The following DCUN1D4 variants were observed in gnomAD, a reference collection of about 807,000 sequenced individuals.
DCUN1D4 encodes DCN1-like protein 4.
Under a neutral mutation model 47.9 loss-of-function variants are expected in DCUN1D4, and 22 were observed. That is an observed-to-expected ratio of 0.46 (90% CI 0.33 to 0.66). DCUN1D4 has a LOEUF of 0.66. Ranked by LOEUF, DCUN1D4 falls within the 30% of genes least tolerant of loss-of-function variation. DCUN1D4 has a pLI of 0.02. For missense variants in DCUN1D4, 301 were observed against 340.8 expected, an observed-to-expected ratio of 0.88 and a Z score of 0.92; for synonymous variants, 121 against 112.2, an observed-to-expected ratio of 1.08 and a Z score of -0.50.
chr4:51,915,509 G>GT lies in DCUN1D4; in HGVS notation c.*1926dup, dbSNP rs1329013814. On this transcript the variant is annotated 3_prime_UTR_variant, in exon 11 of 11. Transcript: ENST00000334635. The stretch of plus-strand genomic sequence containing the variant: ...ATGTGATGGATGCATTTGTTTTGCA[G>GT]TGGTGACTGGCCTAGGCAGGTTTGG... 1 of 152,430 alleles carries GT rather than the reference G, an allele frequency of 6.6e-6. No individual in the cohort carries two copies. Among genetic ancestry groups the GT allele is most frequent in the African/African-American group, 2.4e-5 (1 of 41,440 alleles). 9.4% of individuals were successfully genotyped at this position (152,430 alleles called of 1,614,324 possible). A position where few individuals can be genotyped will look rare whatever the true frequency, so the allele number is the denominator to read the frequency against.
intron 7 of DCUN1D4, among the ~76,000 whole-genome samples, chr4:51,895,574 A>C (rs1229105747): frequency 1.3e-5 from 2 of 151,500 alleles, no homozygotes; most frequent in African/African-American, 2.4e-5. Flanking sequence ...AAAAAAAAAA[A>C]AAAAAAAAAA....
chr4:51,843,397 C>T (rs1289257097), intron 1 of DCUN1D4, 130 bp downstream of exon 1: 4 of 1,302,212 alleles, frequency 3.1e-6, no homozygotes, highest in African/African-American at 1.6e-5. Flanking sequence ...GGAACCACCC[C>T]TTCCCCTCCC....
intron 1 of DCUN1D4, 176 bp downstream of exon 1, chr4:51,843,443 G>A (rs944052701): frequency 1.1e-5 from 13 of 1,234,392 alleles, no homozygotes; most frequent in Non-Finnish European, 1.2e-5. Context: ...CGGGCGGCGT[G>A]GGGCGGGGGC....
At chr4:51,866,024 G>T (rs4865382) in intron 3 of DCUN1D4, among the ~76,000 whole-genome samples, 62,874 of 151,870 alleles carry the variant, frequency 0.41, 15,681 homozygotes, top group African/African-American at 0.7. Flanking sequence ...CAGGCTCTCT[G>T]CTCAGTTCAG....
Position 51,874,317 on chromosome 4 carries a change from G to T in DCUN1D4, c.183G>T (p.Met61Ile). The T allele has an allele frequency of 6.2e-7, 1 of 1,613,538 alleles. No homozygotes were observed. Among genetic ancestry groups the T allele is most frequent in the Non-Finnish European group, 8.5e-7 (1 of 1,179,852 alleles). Reference sequence around the variant, plus strand: ...CTTCAGACTGCTTTAATAAAGTGATGCCACCAAGGAAAAAGAGAAGACCTG... The same window carrying T: ...CTTCAGACTGCTTTAATAAAGTGATTCCACCAAGGAAAAAGAGAAGACCTG... The part of the protein sequence containing the change: ...CSSSDCFNKV[M>I]PPRKKRRPAS... The change falls in exon 4 of 11, where the codon ATG becomes ATT. Residue 61 changes from methionine (M) to isoleucine (I), a missense_variant. Physicochemically the swap from Met to Ile is conservative, Grantham distance 10. Around this residue, in one of 2 missense-constraint regions of DCUN1D4, gnomAD observed 131 missense variants for 106.3 expected, o/e 1.23. Transcript: ENST00000334635.
intron 1 of DCUN1D4, among the ~76,000 whole-genome samples, chr4:51,844,587 C>G (rs780842775): frequency 7.2e-5 from 11 of 152,002 alleles, no homozygotes; most frequent in Non-Finnish European, 1.0e-4. Flanking sequence ...TGTCTAATTT[C>G]TGGCTATCAG....
At chr4:51,843,004 G>A (rs756836610), upstream of DCUN1D4, 16 of 1,301,648 alleles carry the variant, frequency 1.2e-5, no homozygotes, top group Non-Finnish European at 1.6e-5. Flanking sequence ...TTGGCCAGTG[G>A]GGGGCGGGGC....
chr4:51,904,875 T>C (rs146660691), intron 8 of DCUN1D4, among the ~76,000 whole-genome samples: 176 of 152,328 alleles, frequency 1.2e-3, no homozygotes, highest in African/African-American at 3.9e-3. Context: ...GTGGACCTTT[T>C]AAAAATCACA....
chr4:51,866,963 CT>C (rs1726039106), intron 3 of DCUN1D4, among the ~76,000 whole-genome samples: 1 of 152,226 alleles, frequency 6.6e-6, no homozygotes, highest in Non-Finnish European at 1.5e-5. Flanking sequence ...TCAGTTCTCA[CT>C]ACTGGCCTGG....
chr4:51,844,358 G>A (rs1722147877), intron 1 of DCUN1D4: 3 of 985,030 alleles, frequency 3.0e-6, no homozygotes, highest in Non-Finnish European at 3.6e-6. Flanking sequence ...GTGCCCTAAG[G>A]TTGGAACTGG....
intron 1 of DCUN1D4, chr4:51,848,410 T>G (rs1722882495): frequency 9.3e-7 from 1 of 1,072,930 alleles, no homozygotes. Context: ...TTTTCCCTTC[T>G]TTTTGTTTTA....
At chr4:51,910,656 A>G (rs1251297013) in intron 8 of DCUN1D4, 2 of 165,532 alleles carry the variant, frequency 1.2e-5, no homozygotes, top group Non-Finnish European at 2.6e-5. Flanking sequence ...ATTCCTAATC[A>G]TAGGCATCAA....
At chr4:51,888,546 G>T (rs1729895667) in intron 6 of DCUN1D4, among the ~76,000 whole-genome samples, 1 of 151,342 alleles carries the variant, frequency 6.6e-6, no homozygotes, top group Non-Finnish European at 1.5e-5. Context: ...TTCGAGACCA[G>T]CCTGGCCAAT....
In DCUN1D4 at chr4:51,843,181, TG is replaced by T. The variant is rs1160638673; in HGVS notation, c.-56del. 3.9e-6 allele frequency: 6 copies of T among 1,533,682 alleles called. No individual in the cohort carries two copies. Among genetic ancestry groups the T allele is most frequent in the South Asian group, 1.2e-5 (1 of 82,340 alleles). On this transcript the variant is annotated 5_prime_UTR_variant, in exon 1 of 11. Coordinates refer to ENST00000334635, the MANE Select transcript of DCUN1D4 (RefSeq NM_001040402.3). ...TTCGAGCCGAGGTGCAGTGAGCTGG[TG>T]GGGGGACCGCGAGGCGAGCGCGGGA... is the stretch of plus-strand genomic sequence containing the variant.
chr4:51,902,808 C>G (rs988365642), intron 8 of DCUN1D4, among the ~76,000 whole-genome samples: 1 of 151,824 alleles, frequency 6.6e-6, no homozygotes, highest in Non-Finnish European at 1.5e-5. Flanking sequence ...TTCCTTTTTT[C>G]CTCTTTTCAT....
At position 51,863,644 on chromosome 4, in the gene DCUN1D4, C is replaced by T. The variant is rs192099923; in HGVS notation, c.97-26C>T. ...AAATGCTAACGGTATGTGATTTCTT[C>T]GTAATAACGAACATATTTCTTTCAG... On this transcript the variant is annotated intron_variant, in intron 2 of 10. Coordinates refer to ENST00000334635, the MANE Select transcript of DCUN1D4 (RefSeq NM_001040402.3). 1.9e-4 allele frequency: 301 copies of T among 1,610,348 alleles called. No individual in the cohort carries two copies. In the Middle Eastern group the frequency reaches 2.3e-3, roughly 12 times the overall value.
intron 3 of DCUN1D4, among the ~76,000 whole-genome samples, chr4:51,866,507 C>G (rs993878427): frequency 5.9e-5 from 9 of 152,092 alleles, no homozygotes; most frequent in Middle Eastern, 3.2e-3. Context: ...TATAAAGCAT[C>G]TGCTTTCTTT....
In DCUN1D4 at chr4:51,866,805, G is replaced by A. The variant is rs1726006594; in HGVS notation, c.136+3096G>A. Among the ~76,000 whole-genome samples, 3 of 152,204 alleles carry A rather than the reference G, an allele frequency of 2.0e-5. No individual in the cohort carries two copies. The South Asian group carries it at 6.2e-4, about 31-fold the overall frequency. ...CTCCACTTTTGCCTTGGTTACAGTG[G>A]ATACGTCCAATACTGGGAGTACTTT... On this transcript the variant is annotated intron_variant, in intron 3 of 10. Coordinates refer to ENST00000334635, the MANE Select transcript of DCUN1D4 (RefSeq NM_001040402.3).
At chr4:51,898,144 T>C (rs2110091093) in intron 7 of DCUN1D4, among the ~76,000 whole-genome samples, 1 of 152,188 alleles carries the variant, frequency 6.6e-6, no homozygotes, top group Non-Finnish European at 1.5e-5. Context: ...GATTAAAGGA[T>C]TTATTTTATT....
Sources: gnomAD v4.1 joint callset for allele counts (sites outside exome capture counted in the v4.1 genomes callset) on GRCh38, gnomAD v4.1.1 for gene constraint, gnomAD v4.1.1 regional missense constraint, MANE v1.5 for transcripts, NCBI Gene and HGNC (gene_info 2026-07-23, HGNC 2026-07-21) for gene names.